The following YIPF1 variants were observed in gnomAD, a reference collection of about 807,000 sequenced individuals.
YIPF1 encodes the protein protein YIPF1.
In YIPF1, 22 loss-of-function variants were observed where a neutral mutation model predicts 37.0. That is an observed-to-expected ratio of 0.59 (90% CI 0.42 to 0.85). The LOEUF (loss-of-function observed/expected upper bound fraction) is 0.85. Among genes scored for constraint, YIPF1 ranks in the 40% least tolerant of loss-of-function variants. The pLI is 0.00. For synonymous variants in YIPF1, 128 were observed against 131.9 expected, an observed-to-expected ratio of 0.97 and a Z score of 0.21; for missense variants, 355 against 373.1, an observed-to-expected ratio of 0.95 and a Z score of 0.40.
At chr1:53,879,429 T>C (rs1169385996) in intron 4 of YIPF1, among the ~76,000 whole-genome samples, 1 of 151,596 alleles carries the variant, frequency 6.6e-6, no homozygotes, top group Non-Finnish European at 1.5e-5. Flanking sequence ...CCATCCACAA[T>C]CCTCCCTACT....
rs143056852 is a variant in YIPF1 at position 53,873,776 on chromosome 1, T to C, written c.365-2288A>G. 8.7e-3 allele frequency among the ~76,000 whole-genome samples: 1,322 copies of C among 152,046 alleles called. 14 individuals carry two copies. The highest frequency in any genetic ancestry group is 0.031 in the African/African-American group (1,279 of 41,480). On this transcript the variant is annotated intron_variant, in intron 6 of 10. Transcript: ENST00000072644. ...TGGGAGGCTGAGGCAGGCAGATCAC[T>C]TGAGCTCAGGAGTTCAAGACCAGCC...
At position 53,851,742 on chromosome 1, in the gene YIPF1, G is replaced by A. The variant is rs1265166493; in HGVS notation, c.*537C>T. 6.6e-6 allele frequency: 1 copy of A among 152,148 alleles called. No homozygotes were observed. The highest frequency in any genetic ancestry group is 1.5e-5 in the Non-Finnish European group (1 of 68,046). 9.4% of individuals were successfully genotyped at this position (152,148 alleles called of 1,614,324 possible). A position where few individuals can be genotyped will look rare whatever the true frequency, so the allele number is the denominator to read the frequency against. ...AATGCAGACACAGACATCATGTGAG[G>A]TATTTATTTTGCAGCCATTCAGTTC... On this transcript the variant is annotated 3_prime_UTR_variant, in exon 11 of 11. Transcript: ENST00000072644.
Position 53,851,972 on chromosome 1 carries a change from C to T in YIPF1, c.*307G>A, listed in dbSNP as rs1232220422. On this transcript the variant is annotated 3_prime_UTR_variant, in exon 11 of 11. Transcript: ENST00000072644. ...ATTAAGGTACCACAGTGAAGCATGTCATTTGACTGTGGTGGCAAAGGGACG... is the reference window on the plus strand; with the variant it reads ...ATTAAGGTACCACAGTGAAGCATGTTATTTGACTGTGGTGGCAAAGGGACG... 1.3e-5 allele frequency: 2 copies of T among 152,230 alleles called. No individual in the cohort carries two copies. The highest frequency in any genetic ancestry group is 2.9e-5 in the Non-Finnish European group (2 of 68,062). The allele number at this position is 152,230 out of a possible 1,614,324, so 9.4% of individuals were successfully genotyped here.
chr1:53,861,255 G>A (rs560355922), intron 9 of YIPF1, among the ~76,000 whole-genome samples: 2 of 152,246 alleles, frequency 1.3e-5, no homozygotes, highest in South Asian at 2.1e-4. Flanking sequence ...TGTTTTCTGG[G>A]GCAAGGAAAG....
chr1:53,888,470 C>T (rs1449858246), intron 3 of YIPF1, among the ~76,000 whole-genome samples: 1 of 152,180 alleles, frequency 6.6e-6, no homozygotes, highest in African/African-American at 2.4e-5. Flanking sequence ...CTGGTCACAA[C>T]CAGGAGATAT....
At chr1:53,867,540 T>C (rs1569619340) in intron 7 of YIPF1, among the ~76,000 whole-genome samples, 1 of 152,030 alleles carries the variant, frequency 6.6e-6, no homozygotes, top group South Asian at 2.1e-4. Flanking sequence ...ATCCGGCTAA[T>C]TTTTTGTATT....
intron 10 of YIPF1, among the ~76,000 whole-genome samples, chr1:53,859,671 GA>G (rs1557601599): frequency 6.6e-6 from 1 of 151,090 alleles, no homozygotes; most frequent in African/African-American, 2.4e-5. Flanking sequence ...GTCTCAAAAA[GA>G]AAAAAAGAAA....
intron 7 of YIPF1, among the ~76,000 whole-genome samples, chr1:53,869,508 G>A (rs1377428436): frequency 1.3e-5 from 2 of 152,058 alleles, no homozygotes; most frequent in Non-Finnish European, 2.9e-5. Context: ...AAAATAGCTT[G>A]CCCAACAGAG....
intron 6 of YIPF1, among the ~76,000 whole-genome samples, chr1:53,873,513 G>A (rs1650247843): frequency 6.6e-6 from 1 of 152,056 alleles, no homozygotes. Flanking sequence ...TTATCTTGAG[G>A]GCAACAGGAA....
chr1:53,876,372 CAA>C (rs1650335053), intron 6 of YIPF1, among the ~76,000 whole-genome samples: 1 of 152,150 alleles, frequency 6.6e-6, no homozygotes, highest in Non-Finnish European at 1.5e-5. Flanking sequence ...GAAATGTAGT[CAA>C]AGTTATCAAT....
chr1:53,887,458 C>G (rs1650686562), intron 3 of YIPF1, among the ~76,000 whole-genome samples: 1 of 151,774 alleles, frequency 6.6e-6, no homozygotes, highest in Admixed American at 6.6e-5. Context: ...TTTAGAAGGA[C>G]TACTCTGGCT....
In YIPF1 at chr1:53,878,338, A is replaced by C; in HGVS notation, c.341T>G (p.Ile114Ser). ...ACCATAGAGATCTGGATTGCTGCGG[A>C]TATATAACCTCACAAAGTTTTTCCC... ...IPGKNFVRLY[I>S]RSNPDLYGPF... Residue 114 changes from isoleucine (I) to serine (S), a missense_variant, in exon 6 of 11, where the codon ATC (isoleucine) becomes AGC (serine). By Grantham distance (142) the Ile-to-Ser change is moderately radical. Transcript: ENST00000072644. 4 of 1,614,122 alleles carry C rather than the reference A, an allele frequency of 2.5e-6. No homozygotes were observed. Among genetic ancestry groups the C allele is most frequent in the Non-Finnish European group, 3.4e-6 (4 of 1,180,000 alleles).
chr1:53,873,033 T>C (rs1650235223), intron 6 of YIPF1, among the ~76,000 whole-genome samples: 1 of 152,114 alleles, frequency 6.6e-6, no homozygotes, highest in Non-Finnish European at 1.5e-5. Flanking sequence ...CATCCAAGGG[T>C]ATGACCACAA....
chr1:53,871,239 G>A (rs1031429539), intron 7 of YIPF1, 133 bp downstream of exon 7: 2 of 682,254 alleles, frequency 2.9e-6, no homozygotes, highest in Admixed American at 2.4e-5. Context: ...ACACATTTGA[G>A]TAGATACATT....
chr1:53,870,231 G>A (rs1453793216), intron 7 of YIPF1, among the ~76,000 whole-genome samples: 1 of 139,718 alleles, frequency 7.2e-6, no homozygotes, highest in Non-Finnish European at 1.5e-5. Flanking sequence ...GAGTGCAGTG[G>A]TACGATCACA....
rs1650548678 is a variant in YIPF1, at chr1:53,883,179, G to A, written c.129C>T (p.Ser43=). ...CTTCTTCTCTTCCTGAGCCTCTTGG[G>A]GATCCTGGCTGATGTTTTGGGGTTT... is the stretch of plus-strand genomic sequence containing the variant. ...PGETPKHQPG[S]PRGSGREEDD... Residue 43 remains serine (S), a synonymous_variant, in exon 4 of 11, where the codon TCC becomes TCT. Coordinates refer to ENST00000072644, the MANE Select transcript of YIPF1 (RefSeq NM_018982.5). 6 of 1,601,488 alleles carry A rather than the reference G, an allele frequency of 3.7e-6. No homozygotes were observed. The highest frequency in any genetic ancestry group is 1.3e-5 in the African/African-American group (1 of 74,206).
At chr1:53,858,174 C>A (rs149073992) in intron 10 of YIPF1, among the ~76,000 whole-genome samples, 1 of 151,974 alleles carries the variant, frequency 6.6e-6, no homozygotes, top group South Asian at 2.1e-4. Context: ...ATTCTAACAT[C>A]GCATACCCAT....
chr1:53,866,620 T>C, intron 8 of YIPF1, 138 bp downstream of exon 8: 1 of 1,201,368 alleles, frequency 8.3e-7, no homozygotes, highest in South Asian at 1.6e-5. Context: ...CATGCTTAAC[T>C]TCTAACTTCA....
At chr1:53,867,232 A>T (rs1462874102) in intron 7 of YIPF1, among the ~76,000 whole-genome samples, 1 of 152,238 alleles carries the variant, frequency 6.6e-6, no homozygotes, top group Non-Finnish European at 1.5e-5. Flanking sequence ...CAACTGAACT[A>T]TGCAACTGAA....
Sources: gnomAD v4.1 joint callset for allele counts (sites outside exome capture counted in the v4.1 genomes callset) on GRCh38, gnomAD v4.1.1 for gene constraint, MANE v1.5 for transcripts, NCBI Gene and HGNC (gene_info 2026-07-23, HGNC 2026-07-21) for gene names.